The following DDX10 variants were observed in gnomAD, a reference collection of about 807,000 sequenced individuals.
DDX10 encodes the protein probable ATP-dependent RNA helicase DDX10.
DDX10 carries 74 observed loss-of-function variants against 104.3 expected under a neutral mutation model. That is an observed-to-expected ratio of 0.71 (90% CI 0.59 to 0.86). DDX10 has a LOEUF of 0.86. Ranked by LOEUF, DDX10 falls within the 40% of genes least tolerant of loss-of-function variation. The pLI is 0.00. For synonymous variants in DDX10, 351 were observed against 353.4 expected (o/e 0.99, Z 0.08); for missense variants, 952 against 1,040.0 (o/e 0.92, Z 1.16).
chr11:108,914,496 G>T (rs1346543808), intron 16 of DDX10, among the ~76,000 whole-genome samples: 1 of 152,142 alleles, frequency 6.6e-6, no homozygotes, highest in Non-Finnish European at 1.5e-5. Flanking sequence ...ACAGATATAA[G>T]CAGCTCCTTA....
At chr11:108,871,346 A>G (rs1022274863) in intron 16 of DDX10, among the ~76,000 whole-genome samples, 11 of 152,210 alleles carry the variant, frequency 7.2e-5, no homozygotes, top group Non-Finnish European at 1.3e-4. Flanking sequence ...TTCAGCTTCT[A>G]TGGGAAAGGG....
chr11:108,699,779 C>G (rs1478090293), intron 9 of DDX10, among the ~76,000 whole-genome samples: 3 of 152,092 alleles, frequency 2.0e-5, no homozygotes. Flanking sequence ...CAAATTTTAC[C>G]TCTGATTTCA....
intron 17 of DDX10, chr11:108,919,742 T>A (rs1433329919): frequency 1.3e-5 from 2 of 152,238 alleles, no homozygotes; most frequent in African/African-American, 4.8e-5. Flanking sequence ...TGCATTTGAT[T>A]TATATGGATT....
In DDX10 at chr11:108,927,946, C is replaced by A. The variant is rs77209137; in HGVS notation, c.2450+9928C>A. ...GAGCCACCGTGCCCAGCTGGAACATCTTGAAGTTTGGTTTAGTGGTTCTGA... is the reference window on the plus strand; with the variant it reads ...GAGCCACCGTGCCCAGCTGGAACATATTGAAGTTTGGTTTAGTGGTTCTGA... On this transcript the variant is annotated intron_variant, in intron 17 of 17. Transcript: ENST00000322536. Among the ~76,000 whole-genome samples the A allele has an allele frequency of 3.6e-3, 543 of 152,224 alleles. 19 individuals are homozygous for A. In the East Asian group the frequency reaches 0.057, roughly 16 times the overall value.
At chr11:108,811,129 T>C (rs775353579) in intron 13 of DDX10, among the ~76,000 whole-genome samples, 3 of 152,198 alleles carry the variant, frequency 2.0e-5, no homozygotes, top group Non-Finnish European at 4.4e-5. Context: ...GAGTATATAT[T>C]GACTATCATT....
At chr11:108,903,260 G>A (rs780853741) in intron 16 of DDX10, among the ~76,000 whole-genome samples, 7 of 151,918 alleles carry the variant, frequency 4.6e-5, no homozygotes, top group Non-Finnish European at 7.4e-5. Flanking sequence ...TCTACCTTCT[G>A]TCTCCATGAT....
intron 12 of DDX10, among the ~76,000 whole-genome samples, chr11:108,720,649 G>A (rs1565257928): frequency 6.6e-6 from 1 of 152,076 alleles, no homozygotes; most frequent in South Asian, 2.1e-4. Flanking sequence ...ATAGTGCAGT[G>A]GTGTGATCAT....
intron 9 of DDX10, among the ~76,000 whole-genome samples, chr11:108,705,565 A>G (rs1393666203): frequency 2.0e-5 from 3 of 152,176 alleles, no homozygotes; most frequent in Non-Finnish European, 4.4e-5. Flanking sequence ...TCTAGTTAAC[A>G]GGAACATTAG....
At chr11:108,831,139 C>G (rs929439902) in intron 13 of DDX10, among the ~76,000 whole-genome samples, 1 of 152,152 alleles carries the variant, frequency 6.6e-6, no homozygotes, top group Non-Finnish European at 1.5e-5. Flanking sequence ...GGCATGGTGG[C>G]TTACGCCTGT....
At chr11:108,858,301 G>T (rs541521153) in intron 16 of DDX10, among the ~76,000 whole-genome samples, 1 of 152,192 alleles carries the variant, frequency 6.6e-6, no homozygotes, top group East Asian at 1.9e-4. Context: ...GTGTTACTTG[G>T]TGATTGTCTC....
rs747754025 is a variant in DDX10, at chr11:108,723,326, C to A, written c.1829C>A (p.Thr610Asn). ...KGSQAPSLPN[T>N]SEAQKIKEVP... ...TCTCAAGCCCCATCTCTTCCTAACA[C>A]CAGTGAGGCACAGAAGATCAAGGAA... Residue 610 changes from threonine to asparagine, a missense_variant, in exon 13 of 18, where the codon ACC becomes AAC. Thr to Asn is a moderately conservative substitution (Grantham distance 65). Coordinates refer to ENST00000322536, the MANE Select transcript of DDX10 (RefSeq NM_004398.4). 1 of 1,613,926 alleles carries A rather than the reference C, an allele frequency of 6.2e-7. No individual in the cohort carries two copies. Among genetic ancestry groups the A allele is most frequent in the South Asian group, 1.1e-5 (1 of 91,072 alleles).
At chr11:108,665,370 C>A in intron 1 of DDX10, 31 bp downstream of exon 1, 1 of 1,531,124 alleles carries the variant, frequency 6.5e-7, no homozygotes, top group Non-Finnish European at 8.8e-7. Context: ...GGGGCTCGGG[C>A]CGGCCAGCAG....
At chr11:108,832,214 T>A (rs112435756) in intron 13 of DDX10, among the ~76,000 whole-genome samples, 8 of 136,300 alleles carry the variant, frequency 5.9e-5, no homozygotes, top group African/African-American at 5.3e-5. Context: ...GTCATTTTTT[T>A]AAAAATTCTA....
At chr11:108,721,297 A>G (rs2094298079) in intron 12 of DDX10, among the ~76,000 whole-genome samples, 1 of 152,170 alleles carries the variant, frequency 6.6e-6, no homozygotes, top group African/African-American at 2.4e-5. Flanking sequence ...ACAGATGGAA[A>G]GCCACATGCC....
At chr11:108,773,065 A>C (rs2094365347) in intron 13 of DDX10, among the ~76,000 whole-genome samples, 1 of 152,236 alleles carries the variant, frequency 6.6e-6, no homozygotes, top group Non-Finnish European at 1.5e-5. Context: ...TTCTTCTTTG[A>C]GACTCTGGAG....
Position 108,869,374 on chromosome 11 carries a change from T to A in DDX10, c.2304+17165T>A, listed in dbSNP as rs1863051441. Among the ~76,000 whole-genome samples, 4 of 152,138 alleles carry A rather than the reference T, an allele frequency of 2.6e-5. No individual in the cohort carries two copies. The South Asian group carries it at 8.3e-4, about 31-fold the overall frequency. ...AGAAAGCATTTTTCATTGTTTAACG[T>A]TGAAATCTAAAAATACTGATATTTG... On this transcript the variant is annotated intron_variant, in intron 16 of 17. Transcript: ENST00000322536.
chr11:108,923,489 T>C (rs1287926755), intron 17 of DDX10, among the ~76,000 whole-genome samples: 1 of 152,256 alleles, frequency 6.6e-6, no homozygotes, highest in Non-Finnish European at 1.5e-5. Context: ...GAATACCCAC[T>C]TGATCTGTTA....
intron 9 of DDX10, among the ~76,000 whole-genome samples, chr11:108,703,997 T>C (rs2094272272): frequency 6.6e-6 from 1 of 152,214 alleles, no homozygotes; most frequent in Non-Finnish European, 1.5e-5. Context: ...AAAATTCCAC[T>C]GTTACTATTT....
intron 10 of DDX10, among the ~76,000 whole-genome samples, chr11:108,715,396 C>T (rs1460203465): frequency 6.6e-6 from 1 of 152,138 alleles, no homozygotes; most frequent in Non-Finnish European, 1.5e-5. Flanking sequence ...TTGGTGCAAG[C>T]CTGTAGTCCT....
Sources: gnomAD v4.1 joint callset for allele counts (sites outside exome capture counted in the v4.1 genomes callset) on GRCh38, gnomAD v4.1.1 for gene constraint, MANE v1.5 for transcripts, NCBI Gene and HGNC (gene_info 2026-07-23, HGNC 2026-07-21) for gene names.